Variants in DPP10 observed in about 807,000 individuals in gnomAD.
DPP10 encodes inactive dipeptidyl peptidase 10.
Under a neutral mutation model 120.9 loss-of-function variants are expected in DPP10, and 33 were observed. The ratio of observed to expected loss-of-function variants is 0.27; its 90% CI spans 0.21 to 0.37. The LOEUF is 0.37. Among genes scored for constraint, DPP10 ranks in the 10% least tolerant of loss-of-function variants. DPP10 has a pLI of 1.00. For missense variants in DPP10, 816 were observed against 942.8 expected (o/e 0.87, Z 1.76); for synonymous variants, 337 against 326.1 (o/e 1.03, Z -0.36).
At chr2:114,757,180 A>G (rs75900727) in intron 1 of DPP10, among the ~76,000 whole-genome samples, 5,204 of 144,708 alleles carry the variant, frequency 0.036, 158 homozygotes, top group Middle Eastern at 0.058. Context: ...AGAAAAGAAG[A>G]AAGAGGGATG....
intron 5 of DPP10, among the ~76,000 whole-genome samples, chr2:115,667,090 T>G (rs2089514849): frequency 6.6e-6 from 1 of 152,220 alleles, no homozygotes; most frequent in Non-Finnish European, 1.5e-5. Flanking sequence ...TATATTTGCT[T>G]TTCTCTAATG....
intron 1 of DPP10, among the ~76,000 whole-genome samples, chr2:115,109,451 G>A (rs1019853875): frequency 6.6e-6 from 1 of 151,908 alleles, no homozygotes; most frequent in Admixed American, 6.6e-5. Context: ...CAGGAGAATC[G>A]CTTGAAACAA....
intron 1 of DPP10, among the ~76,000 whole-genome samples, chr2:115,065,996 A>G (rs1231661328): frequency 6.6e-6 from 1 of 152,212 alleles, no homozygotes; most frequent in East Asian, 1.9e-4. Flanking sequence ...TTTCTAAATC[A>G]GAGCAATCCT....
chr2:114,789,316 TAAAGAA>T (rs1260556318), intron 1 of DPP10, among the ~76,000 whole-genome samples: 10 of 152,102 alleles, frequency 6.6e-5, no homozygotes, highest in Non-Finnish European at 1.3e-4. Flanking sequence ...GGAAGAAAGA[TAAAGAA>T]AAAGAACAAG....
intron 1 of DPP10, among the ~76,000 whole-genome samples, chr2:114,595,255 T>C (rs901364047): frequency 6.6e-6 from 1 of 151,988 alleles, no homozygotes; most frequent in Non-Finnish European, 1.5e-5. Context: ...CTATTTGAAA[T>C]TGCAGAAATT....
At chr2:115,033,887 CTTTTTCTTTTTT>C (rs1346102499) in intron 1 of DPP10, among the ~76,000 whole-genome samples, 4 of 122,640 alleles carry the variant, frequency 3.3e-5, no homozygotes, top group African/African-American at 9.0e-5. Flanking sequence ...TTTTCTTTTT[CTTTTTCTTTTTT>C]TTTTTTTTTT....
intron 1 of DPP10, among the ~76,000 whole-genome samples, chr2:114,962,261 T>G (rs1238725488): frequency 6.6e-6 from 1 of 152,216 alleles, no homozygotes; most frequent in African/African-American, 2.4e-5. Context: ...TGCTTTGTTT[T>G]TTTACATTTG....
chr2:115,783,809 A>G (rs973621312), intron 17 of DPP10, among the ~76,000 whole-genome samples: 3 of 152,198 alleles, frequency 2.0e-5, no homozygotes, highest in African/African-American at 7.2e-5. Flanking sequence ...AAATAAGTCT[A>G]TCACATGCTT....
At chr2:115,592,440 C>G (rs2082718607) in intron 5 of DPP10, among the ~76,000 whole-genome samples, 1 of 151,902 alleles carries the variant, frequency 6.6e-6, no homozygotes, top group Non-Finnish European at 1.5e-5. Flanking sequence ...ATACAAAAGG[C>G]CTTAGTAAGC....
intron 1 of DPP10, among the ~76,000 whole-genome samples, chr2:115,282,085 C>T (rs867028075): frequency 4.6e-5 from 7 of 151,850 alleles, no homozygotes; most frequent in African/African-American, 9.7e-5. Context: ...CTTTTTCTCA[C>T]GCTAAGAAGT....
At chr2:114,470,484 T>C (rs970509528) in intron 1 of DPP10, among the ~76,000 whole-genome samples, 1 of 152,230 alleles carries the variant, frequency 6.6e-6, no homozygotes, top group Non-Finnish European at 1.5e-5. Flanking sequence ...CATAAACCTA[T>C]TGGGACCTGA....
intron 1 of DPP10, among the ~76,000 whole-genome samples, chr2:114,679,443 A>G (rs1045773217): frequency 1.3e-5 from 2 of 152,012 alleles, no homozygotes; most frequent in Admixed American, 6.6e-5. Flanking sequence ...TTTATTTAGA[A>G]CTAAATATTA....
At chr2:115,394,537 T>G (rs2067544384) in intron 3 of DPP10, among the ~76,000 whole-genome samples, 1 of 151,472 alleles carries the variant, frequency 6.6e-6, no homozygotes, top group Admixed American at 6.6e-5. Flanking sequence ...CAAACATTAG[T>G]GAAACTGATG....
intron 1 of DPP10, among the ~76,000 whole-genome samples, chr2:114,596,425 G>T (rs1691911963): frequency 6.6e-6 from 1 of 151,974 alleles, no homozygotes; most frequent in Non-Finnish European, 1.5e-5. Context: ...CTTTATTCTA[G>T]ATTTCTAGAG....
At chr2:114,856,410 A>G (rs776706628) in intron 1 of DPP10, among the ~76,000 whole-genome samples, 1 of 152,228 alleles carries the variant, frequency 6.6e-6, no homozygotes, top group Non-Finnish European at 1.5e-5. Flanking sequence ...AAGTTTACGT[A>G]GAGACAATAT....
At chr2:115,627,248 A>G (rs1054028133) in intron 5 of DPP10, among the ~76,000 whole-genome samples, 3 of 152,180 alleles carry the variant, frequency 2.0e-5, no homozygotes, top group Admixed American at 6.5e-5. Context: ...TTCCTACTCT[A>G]GTGTTATATG....
chr2:114,660,151 G>T (rs1697286839), intron 1 of DPP10, among the ~76,000 whole-genome samples: 1 of 152,204 alleles, frequency 6.6e-6, no homozygotes, highest in Admixed American at 6.5e-5. Flanking sequence ...TGGTACAGGA[G>T]CCAAGAAACA....
chr2:115,029,938 C>T (rs2221727), intron 1 of DPP10, among the ~76,000 whole-genome samples: 147,878 of 152,228 alleles, frequency 0.97, 71,969 homozygotes, highest in Middle Eastern at 1. Context: ...GTAGTTTTGT[C>T]GGGTAAAGAC....
intron 7 of DPP10, among the ~76,000 whole-genome samples, chr2:115,690,332 T>G (rs2091245346): frequency 6.6e-6 from 1 of 152,174 alleles, no homozygotes; most frequent in Non-Finnish European, 1.5e-5. Flanking sequence ...TAAGAGAGGA[T>G]TTTTACTTTT....
Sources: gnomAD v4.1 joint callset for allele counts (sites outside exome capture counted in the v4.1 genomes callset) on GRCh38, gnomAD v4.1.1 for gene constraint, MANE v1.5 for transcripts, NCBI Gene and HGNC (gene_info 2026-07-23, HGNC 2026-07-21) for gene names.